Variants in TMEM65 observed in about 807,000 individuals in gnomAD.
The protein encoded by TMEM65 is transmembrane protein 65.
A neutral mutation model predicts 25.4 loss-of-function variants in TMEM65; 22 were observed. The observed-to-expected ratio is 0.86, with a 90% CI of 0.62 to 1.23. TMEM65 has a LOEUF of 1.23. TMEM65 is among the 50% of genes most tolerant of loss of function. The pLI is 0.00. For synonymous variants in TMEM65, 132 were observed against 126.2 expected (o/e 1.05, Z -0.31); for missense variants, 262 against 308.2 (o/e 0.85, Z 1.12).
chr8:124,360,365 G>A (rs1008740341), intron 1 of TMEM65, among the ~76,000 whole-genome samples: 8 of 149,182 alleles, frequency 5.4e-5, no homozygotes, highest in Non-Finnish European at 1.0e-4. Context: ...AGAAGGCAGA[G>A]GTTGCAGTGA....
intron 1 of TMEM65, among the ~76,000 whole-genome samples, chr8:124,331,909 A>T (rs953271719): frequency 2.6e-5 from 4 of 152,128 alleles, no homozygotes; most frequent in Non-Finnish European, 4.4e-5. Context: ...ATAAAAGGAA[A>T]TATGGTCCAC....
chr8:124,347,516 A>C (rs1386961829), intron 1 of TMEM65, among the ~76,000 whole-genome samples: 1 of 152,226 alleles, frequency 6.6e-6, no homozygotes, highest in Non-Finnish European at 1.5e-5. Flanking sequence ...GGTACACCAA[A>C]AGCCCAGACC....
intron 1 of TMEM65, 110 bp downstream of exon 1, chr8:124,371,744 G>T (rs1054656352): frequency 1.8e-6 from 2 of 1,107,094 alleles, no homozygotes; most frequent in East Asian, 3.3e-5. Flanking sequence ...GGGCGGAAGG[G>T]GGGCGGCGGC....
chr8:124,330,730 C>A lies in TMEM65; in HGVS notation c.349+18G>T, dbSNP rs1678905058. 1 of 1,590,142 alleles carries A rather than the reference C, an allele frequency of 6.3e-7. No individual in the cohort carries two copies. The highest frequency in any genetic ancestry group is 1.4e-5 in the African/African-American group (1 of 72,636). Reference sequence around the variant, plus strand: ...AAAAGACAGATGAACATATATTTAACAATTATAGAACCATTACCATATCTC... The same window carrying A: ...AAAAGACAGATGAACATATATTTAAAAATTATAGAACCATTACCATATCTC... On this transcript the variant is annotated intron_variant, in intron 2 of 6. Transcript: ENST00000297632.
chr8:124,356,623 C>T (rs1010312760), intron 1 of TMEM65, among the ~76,000 whole-genome samples: 16 of 152,154 alleles, frequency 1.1e-4, no homozygotes, highest in South Asian at 2.1e-4. Flanking sequence ...ATCTCTTTCA[C>T]GTTATTAAAT....
intron 1 of TMEM65, among the ~76,000 whole-genome samples, chr8:124,370,545 G>A (rs1448156759): frequency 2.0e-5 from 3 of 152,084 alleles, no homozygotes; most frequent in Non-Finnish European, 2.9e-5. Context: ...GGAATTGATC[G>A]GACGTTACAT....
chr8:124,333,081 C>A (rs1586461982), intron 1 of TMEM65, among the ~76,000 whole-genome samples: 1 of 151,874 alleles, frequency 6.6e-6, no homozygotes, highest in Middle Eastern at 3.4e-3. Context: ...GGATTACAGG[C>A]GTGAGCCACC....
intron 1 of TMEM65, among the ~76,000 whole-genome samples, chr8:124,333,474 T>C (rs981406683): frequency 3.1e-5 from 4 of 130,368 alleles, no homozygotes; most frequent in African/African-American, 1.2e-4. Flanking sequence ...TGTGTGCGTG[T>C]GTGTGTGTGT....
In TMEM65 at chr8:124,319,302, G is replaced by C. The variant is rs190031965; in HGVS notation, c.621+784C>G. ...GCTTATTCCTCCTCCTTTTTTTCTT[G>C]ATTTTATTGATGGCATCATGATCCA... is the stretch of plus-strand genomic sequence containing the variant. On this transcript the variant is annotated intron_variant, in intron 6 of 6. Transcript: ENST00000297632. 2.9e-3 allele frequency among the ~76,000 whole-genome samples: 433 copies of C among 151,534 alleles called. No homozygotes were observed. In the Middle Eastern group the frequency reaches 0.031, roughly 11 times the overall value.
At chr8:124,352,079 T>G (rs1478180762) in intron 1 of TMEM65, among the ~76,000 whole-genome samples, 1 of 152,180 alleles carries the variant, frequency 6.6e-6, no homozygotes, top group African/African-American at 2.4e-5. Flanking sequence ...AACAGACTAT[T>G]AAAGAAAAGC....
chr8:124,359,624 C>T (rs1402007827), intron 1 of TMEM65, among the ~76,000 whole-genome samples: 3 of 151,972 alleles, frequency 2.0e-5, no homozygotes, highest in African/African-American at 7.2e-5. Flanking sequence ...CGCCTGTGAT[C>T]CCAGCTACTC....
rs112578760 is a variant in TMEM65, at chr8:124,363,831, C to T, written c.304+8023G>A. On this transcript the variant is annotated intron_variant, in intron 1 of 6. Transcript: ENST00000297632. ...CAGCCAGGGCGACAGAGCGAGACTC[C>T]GTCTCAAAAAAAAAAAAAAAAAAAA... 3.7e-4 allele frequency among the ~76,000 whole-genome samples: 36 copies of T among 97,798 alleles called. 2 individuals are homozygous for T. In the South Asian group the frequency reaches 1.0e-2, roughly 27 times the overall value. 64.2% of individuals were successfully genotyped at this position (97,798 alleles called of 152,430 possible). A position where few individuals can be genotyped will look rare whatever the true frequency, so the allele number is the denominator to read the frequency against.
intron 1 of TMEM65, among the ~76,000 whole-genome samples, chr8:124,341,544 C>G (rs912465730): frequency 1.3e-5 from 2 of 151,992 alleles, no homozygotes; most frequent in Non-Finnish European, 2.9e-5. Flanking sequence ...ATCTAGGAAA[C>G]AGATTCTGTG....
chr8:124,306,461 T>C lies in TMEM65; in HGVS notation c.*7499A>G. The C allele has an allele frequency of 6.6e-6, 1 of 152,268 alleles. No individual in the cohort carries two copies. The highest frequency in any genetic ancestry group is 2.1e-4 in the South Asian group (1 of 4,832). 9.4% of individuals were successfully genotyped at this position (152,268 alleles called of 1,614,324 possible). A position where few individuals can be genotyped will look rare whatever the true frequency, so the allele number is the denominator to read the frequency against. ...CGGGTTTGAACTGCATAGGACCGCTTATATGCATATTTTGATAAATATATT... is the reference window on the plus strand; with the variant it reads ...CGGGTTTGAACTGCATAGGACCGCTCATATGCATATTTTGATAAATATATT... On this transcript the variant is annotated 3_prime_UTR_variant, in exon 7 of 7. Transcript: ENST00000297632.
intron 1 of TMEM65, among the ~76,000 whole-genome samples, chr8:124,351,645 C>T (rs1209925507): frequency 2.6e-5 from 4 of 152,126 alleles, no homozygotes; most frequent in East Asian, 3.8e-4. Flanking sequence ...ACATTTTCAA[C>T]GTCATGAAAT....
rs532272794 is a variant in TMEM65 at position 124,355,053 on chromosome 8, CAG to C, written c.304+16799_304+16800del. On this transcript the variant is annotated intron_variant, in intron 1 of 6. Transcript: ENST00000297632. ...AAAGAAAAAAGTATGATGGAGGTCACAGTTCAATAAAGAAATTAGACTAACCA... is the reference window on the plus strand; with the variant it reads ...AAAGAAAAAAGTATGATGGAGGTCACTTCAATAAAGAAATTAGACTAACCA... 6.8e-4 allele frequency among the ~76,000 whole-genome samples: 103 copies of C among 152,100 alleles called. 1 individual carries two copies. Among genetic ancestry groups the C allele is most frequent in the Non-Finnish European group, 9.4e-4 (64 of 68,018 alleles).
At position 124,321,991 on chromosome 8, in the gene TMEM65, T is replaced by C. The variant is rs972667012; in HGVS notation, c.515+114A>G. ...AAAAGTAAATTTGAAATTTTAATTC[T>C]AGAAAACAAAGAAAAATGAAATATT... On this transcript the variant is annotated intron_variant, in intron 5 of 6. Coordinates refer to ENST00000297632, the MANE Select transcript of TMEM65 (RefSeq NM_194291.3). The C allele has an allele frequency of 9.2e-6, 8 of 870,452 alleles. No individual in the cohort carries two copies. The African/African-American group carries it at 1.4e-4, about 15-fold the overall frequency. The allele number at this position is 870,452 out of a possible 1,614,324, so 53.9% of individuals were successfully genotyped here.
At chr8:124,362,005 C>T (rs938531288) in intron 1 of TMEM65, among the ~76,000 whole-genome samples, 2 of 151,756 alleles carry the variant, frequency 1.3e-5, no homozygotes, top group Non-Finnish European at 2.9e-5. Context: ...CTTCTCCTGC[C>T]TCAGCTTCCC....
chr8:124,326,331 A>C (rs1814365910), intron 3 of TMEM65, among the ~76,000 whole-genome samples: 1 of 152,106 alleles, frequency 6.6e-6, no homozygotes, highest in South Asian at 2.1e-4. Flanking sequence ...AAAAATATGT[A>C]TTGAAAGTTG....
Sources: gnomAD v4.1 joint callset for allele counts (sites outside exome capture counted in the v4.1 genomes callset) on GRCh38, gnomAD v4.1.1 for gene constraint, MANE v1.5 for transcripts, NCBI Gene and HGNC (gene_info 2026-07-23, HGNC 2026-07-21) for gene names.